GALNT2: variants seen among roughly 807,000 people sequenced by gnomAD.
GALNT2 encodes polypeptide N-acetylgalactosaminyltransferase 2.
GALNT2 carries 31 observed loss-of-function variants against 81.4 expected under a neutral mutation model. That is an observed-to-expected ratio of 0.38 (90% CI 0.29 to 0.51). GALNT2 has a LOEUF of 0.51. Among genes scored for constraint, GALNT2 ranks in the 20% least tolerant of loss-of-function variants. The pLI is 0.87. For missense variants in GALNT2, 629 were observed against 765.7 expected (o/e 0.82, Z 2.11); for synonymous variants, 303 against 287.4 (o/e 1.05, Z -0.55).
intron 2 of GALNT2, among the ~76,000 whole-genome samples, chr1:230,197,977 G>A (rs1663753949): frequency 2.0e-5 from 3 of 152,180 alleles, no homozygotes; most frequent in Non-Finnish European, 1.5e-5. Context: ...AAAAATGCCT[G>A]CAAACGAGCG....
chr1:230,140,825 C>T (rs919302556), intron 1 of GALNT2, among the ~76,000 whole-genome samples: 2 of 152,132 alleles, frequency 1.3e-5, no homozygotes, highest in African/African-American at 4.8e-5. Flanking sequence ...AATGTGACTC[C>T]CAGTAGTATA....
intron 1 of GALNT2, among the ~76,000 whole-genome samples, chr1:230,175,166 A>C (rs1662929848): frequency 6.6e-6 from 1 of 152,240 alleles, no homozygotes; most frequent in African/African-American, 2.4e-5. Flanking sequence ...TGGGTGCTCC[A>C]TCAGCCAGTG....
At chr1:230,272,437 C>T (rs1044839579) in intron 14 of GALNT2, among the ~76,000 whole-genome samples, 1 of 152,184 alleles carries the variant, frequency 6.6e-6, no homozygotes, top group Non-Finnish European at 1.5e-5. Context: ...GAGAGATAAA[C>T]ACAGCACAAA....
chr1:230,195,411 A>AG, intron 2 of GALNT2, among the ~76,000 whole-genome samples: 1 of 152,268 alleles, frequency 6.6e-6, no homozygotes, highest in South Asian at 2.1e-4. Flanking sequence ...GCTCTGCGTG[A>AG]GGGGGCAGGA....
intron 14 of GALNT2, among the ~76,000 whole-genome samples, chr1:230,265,893 G>A (rs893640383): frequency 6.6e-6 from 1 of 152,192 alleles, no homozygotes; most frequent in Non-Finnish European, 1.5e-5. Context: ...TTTCTGAGAG[G>A]CATAAAAATG....
At chr1:230,074,295 G>T (rs1242690458) in intron 1 of GALNT2, among the ~76,000 whole-genome samples, 1 of 152,120 alleles carries the variant, frequency 6.6e-6, no homozygotes, top group African/African-American at 2.4e-5. Flanking sequence ...GTTTCACTAT[G>T]TTGCCCAGGC....
chr1:230,258,360 G>A (rs1382453975), intron 11 of GALNT2, among the ~76,000 whole-genome samples: 2 of 151,938 alleles, frequency 1.3e-5, no homozygotes, highest in Non-Finnish European at 2.9e-5. Flanking sequence ...CTCCTGAGTA[G>A]CAGGGATTAC....
In GALNT2 at chr1:230,180,296, C is replaced by CTTT. The variant is rs56786141; in HGVS notation, c.220+2009_220+2011dup. ...AAAGTGTAAGAGCTGTGTCTAGGTT[C>CTTT]TTTTTTTTTTTTTTTTTTTTTTTTT... On this transcript the variant is annotated intron_variant, in intron 2 of 15. Coordinates refer to ENST00000366672, the MANE Select transcript of GALNT2 (RefSeq NM_004481.5). Among the ~76,000 whole-genome samples, 66 of 70,602 alleles carry CTTT rather than the reference C, an allele frequency of 9.3e-4. 8 individuals carry two copies. The highest frequency in any genetic ancestry group is 2.1e-3 in the African/African-American group (35 of 16,342). The allele number at this position is 70,602 out of a possible 152,430, so 46.3% of individuals were successfully genotyped here.
intron 8 of GALNT2, among the ~76,000 whole-genome samples, chr1:230,246,375 C>T (rs139208625): frequency 1.3e-5 from 2 of 152,326 alleles, no homozygotes; most frequent in East Asian, 3.9e-4. Flanking sequence ...TCTCCTCTTC[C>T]TTGACCTTCT....
In GALNT2 at chr1:230,151,970, A is replaced by G. The variant is rs141167153; in HGVS notation, c.127-26248A>G. ...ATTGCCATGGCATTTGTGAATTATC[A>G]TGGTGCTGGTGGAAGTGTAGCAGTG... On this transcript the variant is annotated intron_variant, in intron 1 of 15. Transcript: ENST00000366672. 3.0e-3 allele frequency among the ~76,000 whole-genome samples: 459 copies of G among 152,256 alleles called. 1 individual carries two copies. Among genetic ancestry groups the G allele is most frequent in the African/African-American group, 0.011 (447 of 41,534 alleles).
chr1:230,079,016 C>G (rs1659649591), intron 1 of GALNT2, among the ~76,000 whole-genome samples: 1 of 152,194 alleles, frequency 6.6e-6, no homozygotes, highest in African/African-American at 2.4e-5. Flanking sequence ...ATTTGCCAGG[C>G]ACCTCTTTAT....
At position 230,281,441 on chromosome 1, in the gene GALNT2, G is replaced by C. The variant is rs1254263293; in HGVS notation, c.*1983G>C. 1 of 152,272 alleles carries C rather than the reference G, an allele frequency of 6.6e-6. No individual in the cohort carries two copies. The highest frequency in any genetic ancestry group is 2.4e-5 in the African/African-American group (1 of 41,436). The allele number at this position is 152,272 out of a possible 1,614,324, so 9.4% of individuals were successfully genotyped here. A position where few individuals can be genotyped will look rare whatever the true frequency, so the allele number is the denominator to read the frequency against. On this transcript the variant is annotated 3_prime_UTR_variant, in exon 16 of 16. Transcript: ENST00000366672. The stretch of plus-strand genomic sequence containing the variant: ...AGGCTGTGGAGTGCAGGCCAGAGCA[G>C]GGTGTGCGTAGCCCCCAGCACCCAG...
chr1:230,118,085 A>T (rs1023890252), intron 1 of GALNT2, among the ~76,000 whole-genome samples: 1 of 152,230 alleles, frequency 6.6e-6, no homozygotes, highest in Non-Finnish European at 1.5e-5. Context: ...TGTTGGAATC[A>T]TTCAGTATGT....
intron 3 of GALNT2, among the ~76,000 whole-genome samples, chr1:230,234,507 A>T (rs761727719): frequency 3.9e-5 from 6 of 152,212 alleles, no homozygotes; most frequent in Non-Finnish European, 5.9e-5. Flanking sequence ...GCATGGAGGA[A>T]ACCTTGGCAT....
chr1:230,202,961 G>T (rs1030214941), intron 2 of GALNT2, among the ~76,000 whole-genome samples, 176 bp from the exon 3 acceptor site: 1 of 152,162 alleles, frequency 6.6e-6, no homozygotes, highest in East Asian at 1.9e-4. Context: ...CTATTCTCTG[G>T]GTTGTAGACA....
intron 3 of GALNT2, among the ~76,000 whole-genome samples, chr1:230,223,169 C>T (rs1301007386): frequency 6.7e-6 from 1 of 149,950 alleles, no homozygotes; most frequent in Non-Finnish European, 1.5e-5. Context: ...TAAAATTACC[C>T]CACTTTATTT....
intron 3 of GALNT2, among the ~76,000 whole-genome samples, chr1:230,226,838 A>G (rs376920012): frequency 3.3e-4 from 50 of 152,330 alleles, no homozygotes; most frequent in African/African-American, 1.2e-3. Flanking sequence ...GGGTAGCTGA[A>G]ATCAATCACT....
rs1411585752 is a variant in GALNT2 at position 230,243,367 on chromosome 1, G to C, written c.669G>C (p.Leu223=). The change falls in exon 7 of 16, where the codon CTG becomes CTC. Residue 223 remains leucine, a synonymous_variant. Transcript: ENST00000366672. The surrounding 1 kb of genome is among the most constrained non-coding windows in gnomAD (Gnocchi z 4.2). ...DAAQAKVLTF[L]DSHCECNEHW... is the part of the protein sequence containing the mutation. ...CCCAAGCCAAGGTCCTGACCTTCCT[G>C]GACAGTCACTGCGAGTGTAATGAGC... is the stretch of plus-strand genomic sequence containing the variant. 6.2e-7 allele frequency: 1 copy of C among 1,612,530 alleles called. No individual in the cohort carries two copies. The highest frequency in any genetic ancestry group is 2.2e-5 in the East Asian group (1 of 44,856).
At chr1:230,136,548 G>A (rs6659554) in intron 1 of GALNT2, among the ~76,000 whole-genome samples, 36,837 of 152,032 alleles carry the variant, frequency 0.24, 4,543 homozygotes, top group East Asian at 0.32. Context: ...CAGAGCCACA[G>A]CCTGCCCTGT....
Sources: gnomAD v4.1 joint callset for allele counts (sites outside exome capture counted in the v4.1 genomes callset) on GRCh38, gnomAD v4.1.1 for gene constraint, Gnocchi (gnomAD v3.1) non-coding constraint, MANE v1.5 for transcripts, NCBI Gene and HGNC (gene_info 2026-07-23, HGNC 2026-07-21) for gene names.